The following VTCN1 variants were observed in gnomAD, a reference collection of about 807,000 sequenced individuals.
The protein encoded by VTCN1 is V-set domain containing T cell activation inhibitor 1.
Under a neutral mutation model 26.5 loss-of-function variants are expected in VTCN1, and 26 were observed. The ratio of observed to expected loss-of-function variants is 0.98; its 90% CI spans 0.72 to 1.36. The LOEUF (loss-of-function observed/expected upper bound fraction) is 1.36, where lower values mean the gene tolerates loss of function less well. VTCN1 is among the 40% of genes most tolerant of loss of function. VTCN1 has a pLI of 0.00. For missense variants in VTCN1, 298 were observed against 337.7 expected (o/e 0.88, Z 0.92); for synonymous variants, 116 against 130.7 (o/e 0.89, Z 0.77).
At chr1:117,152,723 T>G (rs539188135) in intron 4 of VTCN1, among the ~76,000 whole-genome samples, 6 of 152,218 alleles carry the variant, frequency 3.9e-5, no homozygotes, top group Non-Finnish European at 8.8e-5. Flanking sequence ...TTTGGAGGGC[T>G]TGAAGTCCAG....
At chr1:117,173,196 A>T (rs1248228384) in intron 1 of VTCN1, 2 of 716,426 alleles carry the variant, frequency 2.8e-6, no homozygotes, top group Non-Finnish European at 5.2e-6. Flanking sequence ...CCGCGAGGTC[A>T]GCGGCTTCAT....
intron 2 of VTCN1, among the ~76,000 whole-genome samples, chr1:117,160,152 G>A (rs1015451681): frequency 3.3e-5 from 5 of 152,190 alleles, no homozygotes; most frequent in African/African-American, 1.2e-4. Context: ...ACACAAAGAA[G>A]TATGGGGGAG....
intron 1 of VTCN1, among the ~76,000 whole-genome samples, chr1:117,206,993 A>C (rs1164076088): frequency 6.6e-6 from 1 of 152,108 alleles, no homozygotes; most frequent in Admixed American, 6.6e-5. Context: ...AGTTGGACAC[A>C]AATACGGCCT....
chr1:117,148,797 A>T (rs1369038097), intron 4 of VTCN1, among the ~76,000 whole-genome samples: 1 of 152,210 alleles, frequency 6.6e-6, no homozygotes, highest in Non-Finnish European at 1.5e-5. Context: ...ATATGTTAAT[A>T]GAGAATGAGG....
intron 1 of VTCN1, chr1:117,173,106 G>A (rs1021228682): frequency 1.4e-5 from 10 of 709,926 alleles, no homozygotes; most frequent in Non-Finnish European, 2.4e-5. Flanking sequence ...AAGTCAGAGA[G>A]ACCAGAACCC....
intron 1 of VTCN1, among the ~76,000 whole-genome samples, chr1:117,180,623 G>T (rs985428095): frequency 6.6e-6 from 1 of 152,238 alleles, no homozygotes; most frequent in Non-Finnish European, 1.5e-5. Flanking sequence ...CAGCCTAATT[G>T]TCTGTCTTCC....
intron 1 of VTCN1, among the ~76,000 whole-genome samples, chr1:117,191,265 C>CAG (rs1275065815): frequency 6.6e-6 from 1 of 152,208 alleles, no homozygotes; most frequent in Non-Finnish European, 1.5e-5. Context: ...AAAGAAAGCA[C>CAG]AGAAGACTTT....
At position 117,183,001 on chromosome 1, in the gene VTCN1, T is replaced by C. The variant is rs539434091; in HGVS notation, c.33-12830A>G. Among the ~76,000 whole-genome samples the C allele has an allele frequency of 1.2e-4, 18 of 152,326 alleles. No individual in the cohort carries two copies. Among genetic ancestry groups the C allele is most frequent in the African/African-American group, 4.3e-4 (18 of 41,570 alleles). ...TATTTTCTAAGCCTTCTATACATTC[T>C]GATACCATTTTTTAAAGAAAAAGAA... On this transcript the variant is annotated intron_variant, in intron 1 of 5. Transcript: ENST00000369458. This position sits in a 1 kb window ranked among gnomAD's most constrained non-coding sequence, Gnocchi z 4.1.
chr1:117,168,775 A>G (rs1017456719), intron 2 of VTCN1, among the ~76,000 whole-genome samples: 1 of 152,214 alleles, frequency 6.6e-6, no homozygotes, highest in Admixed American at 6.5e-5. Flanking sequence ...TTTATTTTTA[A>G]TGTAGAGACA....
intron 4 of VTCN1, among the ~76,000 whole-genome samples, chr1:117,150,638 A>C (rs187129304): frequency 6.6e-6 from 1 of 152,310 alleles, no homozygotes; most frequent in East Asian, 1.9e-4. Flanking sequence ...AAAACAACAA[A>C]ATTTACCATC....
chr1:117,175,489 A>T lies in VTCN1; in HGVS notation c.33-5318T>A, dbSNP rs917849435. ...GAGCCCCGTGTGCAGATGTTCATTC[A>T]AAAAAATTCTTTTTCATAAAATAAA... On this transcript the variant is annotated intron_variant, in intron 1 of 5. Transcript: ENST00000369458. This position sits in a 1 kb window ranked among gnomAD's most constrained non-coding sequence, Gnocchi z 4.2. Among the ~76,000 whole-genome samples the T allele has an allele frequency of 6.6e-6, 1 of 152,182 alleles. No individual in the cohort carries two copies. The highest frequency in any genetic ancestry group is 1.5e-5 in the Non-Finnish European group (1 of 68,034).
At chr1:117,172,072 C>T (rs1379207095) in intron 1 of VTCN1, among the ~76,000 whole-genome samples, 1 of 152,186 alleles carries the variant, frequency 6.6e-6, no homozygotes, top group Admixed American at 6.5e-5. Context: ...CGTCCTCAGC[C>T]GCCCGCTCAC....
At position 117,167,376 on chromosome 1, in the gene VTCN1, G is replaced by A. The variant is rs1254700112; in HGVS notation, c.97+2731C>T. 6.6e-6 allele frequency among the ~76,000 whole-genome samples: 1 copy of A among 152,094 alleles called. No homozygotes were observed. Among genetic ancestry groups the A allele is most frequent in the Non-Finnish European group, 1.5e-5 (1 of 68,026 alleles). On this transcript the variant is annotated intron_variant, in intron 2 of 5. Coordinates refer to ENST00000369458, the MANE Select transcript of VTCN1 (RefSeq NM_024626.4). The surrounding 1 kb of genome is among the most constrained non-coding windows in gnomAD (Gnocchi z 4.1). ...GCTACCTGCTTACTTGTCCCCAAAG[G>A]TAATAAGAACCATTATTCTACCTTT...
chr1:117,164,759 C>T (rs1652529148), intron 2 of VTCN1, among the ~76,000 whole-genome samples: 1 of 152,166 alleles, frequency 6.6e-6, no homozygotes, highest in African/African-American at 2.4e-5. Flanking sequence ...TCAGAGGGTG[C>T]GTGATAGCGC....
chr1:117,166,125 A>G (rs1030335186), intron 2 of VTCN1, among the ~76,000 whole-genome samples: 5 of 152,190 alleles, frequency 3.3e-5, no homozygotes, highest in African/African-American at 9.7e-5. Context: ...CATCCATCCA[A>G]CTGTCCATTC....
In VTCN1 at chr1:117,156,936, GCAAAGAT is replaced by G; in HGVS notation, c.98-22_98-16del. Reference sequence around the variant, plus strand: ...GGAGTGTCTCCCTGCAGTTCAGGAAGCAAAGATCAATGCTAAGGGAAGCCTTGGAACT... The same window carrying G: ...GGAGTGTCTCCCTGCAGTTCAGGAAGCAATGCTAAGGGAAGCCTTGGAACT... On this transcript the variant is annotated splice_polypyrimidine_tract_variant and intron_variant, in intron 2 of 5. Transcript: ENST00000369458. 1.2e-6 allele frequency: 2 copies of G among 1,613,942 alleles called. No homozygotes were observed. Among genetic ancestry groups the G allele is most frequent in the Non-Finnish European group, 1.7e-6 (2 of 1,180,002 alleles).
At chr1:117,156,064 CAT>C (rs1557861549) in intron 3 of VTCN1, among the ~76,000 whole-genome samples, 1 of 152,076 alleles carries the variant, frequency 6.6e-6, no homozygotes, top group African/African-American at 2.4e-5. Context: ...ATTCAGAAAA[CAT>C]ATGTTAAATT....
chr1:117,196,391 T>C (rs1648507478), intron 1 of VTCN1, among the ~76,000 whole-genome samples: 1 of 140,838 alleles, frequency 7.1e-6, no homozygotes, highest in African/African-American at 2.9e-5. Context: ...ATTAAATACA[T>C]ATATATATAT....
Position 117,175,769 on chromosome 1 carries a change from CTCTCTT to C in VTCN1, c.33-5604_33-5599del, listed in dbSNP as rs1647306269. Among the ~76,000 whole-genome samples the C allele has an allele frequency of 1.1e-5, 1 of 87,606 alleles. No individual in the cohort carries two copies. Among genetic ancestry groups the C allele is most frequent in the Admixed American group, 1.3e-4 (1 of 7,974 alleles). The allele number at this position is 87,606 out of a possible 152,430, so 57.5% of individuals were successfully genotyped here. ...GAGAGATACCTATCTCTCTCTCTCT[CTCTCTT>C]TTTTTTTTTTTTTGAGATGGAGTTT... On this transcript the variant is annotated intron_variant, in intron 1 of 5. Transcript: ENST00000369458. This position sits in a 1 kb window ranked among gnomAD's most constrained non-coding sequence, Gnocchi z 4.2.
Sources: gnomAD v4.1 joint callset for allele counts (sites outside exome capture counted in the v4.1 genomes callset) on GRCh38, gnomAD v4.1.1 for gene constraint, Gnocchi (gnomAD v3.1) non-coding constraint, MANE v1.5 for transcripts, NCBI Gene and HGNC (gene_info 2026-07-23, HGNC 2026-07-21) for gene names.